PPARGC1A: variants seen among roughly 807,000 people sequenced by gnomAD.
PPARGC1A encodes peroxisome proliferator-activated receptor gamma coactivator 1-alpha.
A neutral mutation model predicts 88.7 loss-of-function variants in PPARGC1A; 25 were observed. The observed-to-expected ratio is 0.28, with a 90% CI of 0.21 to 0.39. The LOEUF is 0.39. PPARGC1A is among the 10% of genes least tolerant of loss of function. The pLI is 1.00. For synonymous variants in PPARGC1A, 363 were observed against 355.6 expected (o/e 1.02, Z -0.24); for missense variants, 880 against 968.7 (o/e 0.91, Z 1.22).
chr4:24,343,081 A>G, the PPARGC1A span, among the ~76,000 whole-genome samples: 2 of 152,226 alleles, frequency 1.3e-5, no homozygotes, highest in Non-Finnish European at 2.9e-5. Context: ...GAACCAGAAT[A>G]GAACGTTTCA....
At chr4:24,386,755 T>C in the PPARGC1A span, among the ~76,000 whole-genome samples, 1 of 152,110 alleles carries the variant, frequency 6.6e-6, no homozygotes, top group Non-Finnish European at 1.5e-5. Flanking sequence ...CACAAACAAA[T>C]GGAAAAACAT....
chr4:23,996,867 G>A, the PPARGC1A span, among the ~76,000 whole-genome samples: 4,679 of 152,294 alleles, frequency 0.031, 120 homozygotes, highest in South Asian at 0.11. Flanking sequence ...TTGACAATGA[G>A]TGCTAGTTTG....
the PPARGC1A span, among the ~76,000 whole-genome samples, chr4:24,072,126 A>G: frequency 1.4e-5 from 2 of 147,320 alleles, no homozygotes; most frequent in East Asian, 1.9e-4. Context: ...ATATATATAT[A>G]TATTTATAAT....
chr4:24,108,533 T>C, the PPARGC1A span, among the ~76,000 whole-genome samples: 1 of 152,152 alleles, frequency 6.6e-6, no homozygotes, highest in Admixed American at 6.6e-5. Flanking sequence ...GAGCCTATTA[T>C]ATATAGGTTA....
At chr4:24,273,183 A>C in the PPARGC1A span, among the ~76,000 whole-genome samples, 1 of 152,212 alleles carries the variant, frequency 6.6e-6, no homozygotes, top group Non-Finnish European at 1.5e-5. Flanking sequence ...TCAAAGTGTA[A>C]AGTGGGAGAG....
At chr4:23,926,652 T>C in the PPARGC1A span, among the ~76,000 whole-genome samples, 1 of 152,212 alleles carries the variant, frequency 6.6e-6, no homozygotes, top group Non-Finnish European at 1.5e-5. Flanking sequence ...ATGCTTTTGC[T>C]CCAGCTCTAC....
the PPARGC1A span, among the ~76,000 whole-genome samples, chr4:24,049,927 C>T: frequency 1.3e-5 from 2 of 152,082 alleles, no homozygotes; most frequent in African/African-American, 4.8e-5. Flanking sequence ...AGAAACAAAG[C>T]AATAGTTTCA....
upstream of PPARGC1A, among the ~76,000 whole-genome samples, chr4:23,901,935 T>C (rs1366391212): frequency 6.6e-6 from 1 of 152,200 alleles, no homozygotes; most frequent in Non-Finnish European, 1.5e-5. Flanking sequence ...GGCAAGTTGC[T>C]ATCTAAGTCC....
the PPARGC1A span, among the ~76,000 whole-genome samples, chr4:24,297,811 A>G: frequency 6.6e-6 from 1 of 152,218 alleles, no homozygotes; most frequent in Non-Finnish European, 1.5e-5. Flanking sequence ...AGAAATGAAG[A>G]CAAAACAGGT....
chr4:23,801,470 C>A (rs549029885), intron 12 of PPARGC1A, among the ~76,000 whole-genome samples: 2 of 152,216 alleles, frequency 1.3e-5, no homozygotes, highest in East Asian at 3.9e-4. Flanking sequence ...TGGAAACACA[C>A]AATATCCACA....
the PPARGC1A span, among the ~76,000 whole-genome samples, chr4:23,919,378 T>C: frequency 6.6e-6 from 1 of 152,204 alleles, no homozygotes; most frequent in East Asian, 1.9e-4. Context: ...TTAAAATACA[T>C]TGGGCCTCAG....
At chr4:24,214,777 C>A in the PPARGC1A span, among the ~76,000 whole-genome samples, 7 of 152,164 alleles carry the variant, frequency 4.6e-5, no homozygotes, top group Admixed American at 3.9e-4. Context: ...TTAATTCCCC[C>A]ACCATCACTG....
chr4:24,187,090 A>T, the PPARGC1A span, among the ~76,000 whole-genome samples: 1 of 152,214 alleles, frequency 6.6e-6, no homozygotes, highest in Admixed American at 6.5e-5. Context: ...CATGAGTACT[A>T]GTCCCCTTTG....
upstream of PPARGC1A, among the ~76,000 whole-genome samples, chr4:23,891,800 A>G (rs974494401): frequency 2.0e-5 from 3 of 152,228 alleles, no homozygotes; most frequent in African/African-American, 7.2e-5. Flanking sequence ...ACAGGAAAAT[A>G]CAACCTCGGG....
At chr4:24,125,937 A>T in the PPARGC1A span, among the ~76,000 whole-genome samples, 2 of 152,222 alleles carry the variant, frequency 1.3e-5, no homozygotes, top group East Asian at 1.9e-4. Context: ...AACTAAGAAG[A>T]GGATGGGCTC....
the PPARGC1A span, among the ~76,000 whole-genome samples, chr4:24,011,375 A>G: frequency 3.3e-5 from 5 of 152,130 alleles, no homozygotes; most frequent in Non-Finnish European, 5.9e-5. Context: ...AAGCACTCAC[A>G]CATACACACT....
chr4:23,888,949 C>G (rs931815919), intron 1 of PPARGC1A: 1 of 985,350 alleles, frequency 1.0e-6, no homozygotes, highest in Non-Finnish European at 1.2e-6. Flanking sequence ...CCAGAGTCCA[C>G]AGAAAGTTTT....
chr4:24,013,773 C>T, the PPARGC1A span, among the ~76,000 whole-genome samples: 9 of 152,180 alleles, frequency 5.9e-5, no homozygotes, highest in Non-Finnish European at 1.2e-4. Flanking sequence ...CATGCCTGGA[C>T]GTTTAGTCAG....
At position 23,801,797 on chromosome 4, in the gene PPARGC1A, G is replaced by A. The variant is rs181250217; in HGVS notation, c.2226C>T (p.Asn742=). Residue 742 remains asparagine (N), a synonymous_variant, in exon 12 of 13, where the codon AAC becomes AAT. Transcript: ENST00000264867. ...LENGYTLRRS[N]ETDFELYFCG... Reference sequence around the variant, plus strand: ...AAAAGTACAGCTCAAAGTCAGTTTCGTTTGACCTGCGCAAAGTGTATCCAT... The same window carrying A: ...AAAAGTACAGCTCAAAGTCAGTTTCATTTGACCTGCGCAAAGTGTATCCAT... The A allele has an allele frequency of 2.5e-5, 40 of 1,613,962 alleles. No individual in the cohort carries two copies. The African/African-American group carries it at 3.1e-4, about 12-fold the overall frequency.
Sources: allele counts gnomAD v4.1 joint callset (sites outside exome capture counted in the v4.1 genomes callset), GRCh38; gene constraint gnomAD v4.1.1; transcripts MANE v1.5; gene names NCBI Gene and HGNC (gene_info 2026-07-23, HGNC 2026-07-21).